The following CFAP46 variants were observed in gnomAD, a reference collection of about 807,000 sequenced individuals.
The protein encoded by CFAP46 is cilia and flagella associated protein 46.
In CFAP46, 245 loss-of-function variants were observed where a neutral mutation model predicts 325.7. That is an observed-to-expected ratio of 0.75 (90% CI 0.68 to 0.84). The LOEUF is 0.84. Ranked by LOEUF, CFAP46 falls within the 40% of genes least tolerant of loss-of-function variation. The probability of loss-of-function intolerance (pLI) is 0.00; values close to 1 mark genes in which losing one functional copy is unlikely to be tolerated. For synonymous variants in CFAP46, 1,523 were observed against 1,495.9 expected (o/e 1.02, Z -0.42); for missense variants, 3,346 against 3,543.0 (o/e 0.94, Z 1.41).
In CFAP46 at chr10:132,850,853, T is replaced by TAGTC. The variant is rs532207527; in HGVS notation, c.5763+263_5763+264insGACT. 9.2e-3 allele frequency among the ~76,000 whole-genome samples: 1,407 copies of TAGTC among 152,258 alleles called. 13 individuals carry two copies. Among genetic ancestry groups the TAGTC allele is most frequent in the South Asian group, 0.043 (206 of 4,816 alleles). On this transcript the variant is annotated intron_variant, in intron 40 of 57. Coordinates refer to ENST00000368586, the MANE Select transcript of CFAP46 (RefSeq NM_001200049.3). ...GCATTAATTATTAATACGAATTAAT[T>TAGTC]AGAGCAAATTCATGAGTCGGGAAGG...
intron 50 of CFAP46, among the ~76,000 whole-genome samples, chr10:132,815,499 T>A (rs1847677263): frequency 6.6e-6 from 1 of 152,246 alleles, no homozygotes. Context: ...TTGATGGATT[T>A]CTTTATCAGG....
intron 22 of CFAP46, among the ~76,000 whole-genome samples, chr10:132,900,427 C>G (rs558410339): frequency 6.6e-6 from 1 of 152,274 alleles, no homozygotes; most frequent in Non-Finnish European, 1.5e-5. Context: ...GATGGGGGAG[C>G]ACGCCCTTGC....
At chr10:132,824,532 A>T (rs1175333097) in intron 50 of CFAP46, among the ~76,000 whole-genome samples, 2 of 60,840 alleles carry the variant, frequency 3.3e-5, no homozygotes, top group Non-Finnish European at 2.8e-5. Flanking sequence ...CTGTGTGCTG[A>T]CGTGTGCTGT....
At chr10:132,844,458 G>A (rs949219306) in intron 44 of CFAP46, among the ~76,000 whole-genome samples, 3 of 152,112 alleles carry the variant, frequency 2.0e-5, no homozygotes, top group African/African-American at 7.2e-5. Context: ...TCTGCCATTC[G>A]CCAGCCTTTC....
chr10:132,819,372 T>C (rs1212409962), intron 50 of CFAP46, among the ~76,000 whole-genome samples: 1 of 152,354 alleles, frequency 6.6e-6, no homozygotes, highest in Non-Finnish European at 1.5e-5. Flanking sequence ...AATGGCATTT[T>C]TGACAGAAAT....
chr10:132,930,170 A>G (rs1363218452), intron 8 of CFAP46, among the ~76,000 whole-genome samples: 2 of 152,134 alleles, frequency 1.3e-5, no homozygotes, highest in African/African-American at 4.8e-5. Context: ...GCTCAGACCC[A>G]CATCTGCAGC....
intron 50 of CFAP46, among the ~76,000 whole-genome samples, chr10:132,823,213 ATGTGTGCTGTG>A (rs1457735753): frequency 5.9e-4 from 46 of 78,390 alleles, no homozygotes; most frequent in African/African-American, 2.1e-3. Flanking sequence ...GTGTGTGCTG[ATGTGTGCTGTG>A]TGTGTGCTGT....
chr10:132,815,271 C>T (rs1045814357), intron 50 of CFAP46, among the ~76,000 whole-genome samples: 4 of 152,212 alleles, frequency 2.6e-5, no homozygotes, highest in South Asian at 2.1e-4. Flanking sequence ...CCTTTCGACA[C>T]GAACACTTTC....
chr10:132,936,172 TCTC>T (rs1257314968), intron 7 of CFAP46, among the ~76,000 whole-genome samples: 1 of 106,166 alleles, frequency 9.4e-6, no homozygotes, highest in Non-Finnish European at 1.8e-5. Flanking sequence ...TACACTGTGA[TCTC>T]CTCACTCCCC....
At position 132,937,648 on chromosome 10, in the gene CFAP46, G is replaced by C. The variant is rs142919793; in HGVS notation, c.564C>G (p.Ala188=). The change falls in exon 6 of 58, where the codon GCC becomes GCG. Residue 188 remains alanine, a synonymous_variant. Coordinates refer to ENST00000368586, the MANE Select transcript of CFAP46 (RefSeq NM_001200049.3). ...MLELLECYLQ[A]GRKEEAARFC... ...ACCTGGCAGCCTCCTCCTTTCTTCC[G>C]GCTTGCAGATAACACTCCAGAAGTT... 5.6e-6 allele frequency: 9 copies of C among 1,611,882 alleles called. No individual in the cohort carries two copies. Among genetic ancestry groups the C allele is most frequent in the Non-Finnish European group, 7.6e-6 (9 of 1,179,188 alleles).
intron 5 of CFAP46, among the ~76,000 whole-genome samples, chr10:132,938,146 T>C (rs1461587441): frequency 6.6e-6 from 1 of 152,114 alleles, no homozygotes; most frequent in East Asian, 1.9e-4. Flanking sequence ...CGGTGACCCC[T>C]CAGGGCTGAG....
At chr10:132,887,200 CTCT>C (rs1305350893) in intron 25 of CFAP46, among the ~76,000 whole-genome samples, 7 of 92,488 alleles carry the variant, frequency 7.6e-5, no homozygotes, top group Admixed American at 1.8e-4. Context: ...CTCCTCTCTC[CTCT>C]TCTTTCCTCT....
chr10:132,873,057 T>C (rs1311856773), intron 31 of CFAP46, among the ~76,000 whole-genome samples: 1 of 152,218 alleles, frequency 6.6e-6, no homozygotes, highest in Non-Finnish European at 1.5e-5. Context: ...TGTCACGTGA[T>C]AATCTTTGTG....
At chr10:132,821,876 CTGTGTGT>C (rs1445647269) in intron 50 of CFAP46, among the ~76,000 whole-genome samples, 4 of 119,630 alleles carry the variant, frequency 3.3e-5, no homozygotes, top group Non-Finnish European at 6.6e-5. Context: ...GTGCTGTGTG[CTGTGTGT>C]GCAGTGATGT....
rs560192692 is a variant in CFAP46 at position 132,847,699 on chromosome 10, G to T, written c.5953-378C>A. ...GGAACCAGCCAGCACTGAGGCTGAG[G>T]CATCCACCAGCCCTCAGGGGCCCCT... On this transcript the variant is annotated intron_variant, in intron 41 of 57. Transcript: ENST00000368586. This position sits in a 1 kb window ranked among gnomAD's most constrained non-coding sequence, Gnocchi z 5.2. 3.9e-5 allele frequency among the ~76,000 whole-genome samples: 6 copies of T among 152,228 alleles called. No homozygotes were observed. Among genetic ancestry groups the T allele is most frequent in the African/African-American group, 1.2e-4 (5 of 41,544 alleles).
intron 24 of CFAP46, among the ~76,000 whole-genome samples, chr10:132,896,318 A>AAG (rs1422020405): frequency 6.6e-6 from 1 of 152,270 alleles, no homozygotes; most frequent in Admixed American, 6.5e-5. Flanking sequence ...ACACAGTGAG[A>AAG]AGGCATCCAG....
chr10:132,921,836 G>C lies in CFAP46; in HGVS notation c.1606+268C>G, dbSNP rs544075645. On this transcript the variant is annotated intron_variant, in intron 13 of 57. Transcript: ENST00000368586. ...TTGACTTCCAGCCTGGGGCTGGGAG[G>C]AGTAAGTTCCCGTAGTCTAAGCAGC... is the stretch of plus-strand genomic sequence containing the variant. Among the ~76,000 whole-genome samples the C allele has an allele frequency of 5.7e-4, 87 of 152,332 alleles. 1 individual carries two copies. The South Asian group carries it at 7.9e-3, about 14-fold the overall frequency.
intron 3 of CFAP46, 65 bp from the exon 4 acceptor site, chr10:132,941,125 G>A (rs1850093373): frequency 7.2e-6 from 11 of 1,533,310 alleles, no homozygotes; most frequent in South Asian, 3.4e-5. Context: ...CCCCATCTGC[G>A]GATGCCACGG....
At chr10:132,821,974 ATGTGTGCTGTG>A (rs1847851481) in intron 50 of CFAP46, among the ~76,000 whole-genome samples, 1 of 88,390 alleles carries the variant, frequency 1.1e-5, no homozygotes, top group East Asian at 3.8e-4. Flanking sequence ...GTGTGCGCTG[ATGTGTGCTGTG>A]TGTGCGCTTG....
Sources: gnomAD v4.1 joint callset for allele counts (sites outside exome capture counted in the v4.1 genomes callset) on GRCh38, gnomAD v4.1.1 for gene constraint, Gnocchi (gnomAD v3.1) non-coding constraint, MANE v1.5 for transcripts, NCBI Gene and HGNC (gene_info 2026-07-23, HGNC 2026-07-21) for gene names.